Variants in NLRP7 observed in about 807,000 individuals in gnomAD.
NLRP7 encodes the protein NLR family pyrin domain containing 7, also known as NACHT, LRR and PYD domains-containing protein 7.
A neutral mutation model predicts 85.5 loss-of-function variants in NLRP7; 72 were observed. That is an observed-to-expected ratio of 0.84 (90% CI 0.70 to 1.02). The LOEUF is 1.02. NLRP7 is among the 50% of genes least tolerant of loss of function. The pLI is 0.00. For synonymous variants in NLRP7, 550 were observed against 505.2 expected, an observed-to-expected ratio of 1.09 and a Z score of -1.19; for missense variants, 1,243 against 1,219.5, an observed-to-expected ratio of 1.02 and a Z score of -0.29.
At chr19:54,941,115 G>T in intron 2 of NLRP7, 110 bp from the exon 3 acceptor site, 1 of 869,192 alleles carries the variant, frequency 1.2e-6, no homozygotes, top group Non-Finnish European at 2.0e-6. Flanking sequence ...TGTAATCACA[G>T]CACTTTGGAA....
exon 5 of NLRP7, chr19:54,938,234 A>G (rs968928698): frequency 6.2e-7 from 1 of 1,613,984 alleles, no homozygotes; most frequent in South Asian, 1.1e-5. Flanking sequence ...ATGGTTAGGT[A>G]AGTGCACCTG....
upstream of NLRP7, among the ~76,000 whole-genome samples, chr19:54,948,572 TATTTA>T (rs527341971): frequency 3.8e-4 from 57 of 151,736 alleles, 1 homozygote; most frequent in African/African-American, 1.2e-3. Context: ...AGATAACTGA[TATTTA>T]ATTTTTTTTT....
Position 54,939,094 on chromosome 19 carries a change from C to A in NLRP7, c.1725G>T (p.Leu575=), listed in dbSNP as rs73055288. Residue 575 remains leucine, a synonymous_variant, in exon 4 of 10, where the codon CTG becomes CTT. Coordinates refer to ENST00000340844, the Ensembl canonical transcript of NLRP7. ...CCAGCTCCTCCTCCTGAGACTCATA[C>A]AGGCAGCCCAAGACCTCCTTCAGGT... 83,675 of 1,614,198 alleles carry A rather than the reference C, an allele frequency of 0.052. 2,726 individuals carry two copies. Among genetic ancestry groups the A allele is most frequent in the Non-Finnish European group, 0.063 (73,957 of 1,180,036 alleles).
In NLRP7 at chr19:54,934,372, C is replaced by G; in HGVS notation, c.2471+117G>C. 1.0e-6 allele frequency: 1 copy of G among 1,004,970 alleles called. No individual in the cohort carries two copies. The allele number at this position is 1,004,970 out of a possible 1,614,324, so 62.3% of individuals were successfully genotyped here. ...AGGAGCCACCGTGCCGGGCCTGAAG[C>G]AGGTGTTTATTTCAGCAAGAGGCGC... On this transcript the variant is annotated intron_variant, in intron 7 of 9. Coordinates refer to ENST00000340844, the Ensembl canonical transcript of NLRP7. This position sits in a 1 kb window ranked among gnomAD's most constrained non-coding sequence, Gnocchi z 6.7.
At chr19:54,947,389 G>T in intron 1 of NLRP7, 80 bp downstream of exon 1, 2 of 1,049,952 alleles carry the variant, frequency 1.9e-6, no homozygotes, top group Non-Finnish European at 2.6e-6. Context: ...CTTGGGAAGG[G>T]CTATGGTGGA....
chr19:54,939,631 A>G, exon 4 of NLRP7: 1 of 1,610,812 alleles, frequency 6.2e-7, no homozygotes. Context: ...TGCAGAGGAA[A>G]CGCAGGAACA....
intron 1 of NLRP7, among the ~76,000 whole-genome samples, chr19:54,944,247 C>T (rs963324754): frequency 5.9e-5 from 9 of 151,936 alleles, no homozygotes; most frequent in South Asian, 4.2e-4. Context: ...TGGAATGTCT[C>T]GGTGTAAAAC....
At position 54,934,532 on chromosome 19, in the gene NLRP7, A is replaced by G. The variant is rs767006670; in HGVS notation, c.2428T>C (p.Tyr810His). 10 of 1,614,050 alleles carry G rather than the reference A, an allele frequency of 6.2e-6. No homozygotes were observed. The highest frequency in any genetic ancestry group is 8.5e-6 in the Non-Finnish European group (10 of 1,180,030). Residue 810 changes from tyrosine (Y) to histidine (H), a missense_variant, in exon 7 of 10, where the codon TAC becomes CAC. Tyr to His is a moderately conservative substitution (Grantham distance 83). This residue lies in a region of NLRP7 where 613 missense variants were observed against 588.4 expected (regional missense o/e 1.04). Transcript: ENST00000340844. This position sits in a 1 kb window ranked among gnomAD's most constrained non-coding sequence, Gnocchi z 6.7. ...TGTTTTGGGCGTGTCATGGTCTTGT[A>G]CAGCAACATGGCACCCTCATCCAGG...
chr19:54,923,616 G>A, exon 10 of NLRP7: 1 of 1,091,946 alleles, frequency 9.2e-7, no homozygotes, highest in African/African-American at 1.5e-5. Context: ...GAGAAAACCA[G>A]TGTCAAATCC....
exon 4 of NLRP7, chr19:54,939,227 G>T: frequency 6.2e-7 from 1 of 1,614,200 alleles, no homozygotes; most frequent in Middle Eastern, 1.6e-4. Context: ...CAACTCCTTG[G>T]CTCTCTTCTC....
At chr19:54,923,855 G>A (rs1320311353) in exon 10 of NLRP7, 1 of 1,613,882 alleles carries the variant, frequency 6.2e-7, no homozygotes, top group Admixed American at 1.7e-5. Context: ...TTCCAAATTA[G>A]TTTCATAGGT....
chr19:54,941,981 C>T (rs1042604803), intron 1 of NLRP7, among the ~76,000 whole-genome samples: 5 of 152,076 alleles, frequency 3.3e-5, no homozygotes, highest in East Asian at 1.9e-4. Flanking sequence ...AGGCTGGGCA[C>T]GGTGGCTCAC....
In NLRP7 at chr19:54,936,230, T is replaced by A. The variant is rs370516464; in HGVS notation, c.2300+31A>T. Reference sequence around the variant, plus strand: ...GCAACACGGTGCAGTGGACTCCAGGTGCTGGGGAGAGCCGTGACCGTGAGA... The same window carrying A: ...GCAACACGGTGCAGTGGACTCCAGGAGCTGGGGAGAGCCGTGACCGTGAGA... On this transcript the variant is annotated intron_variant, in intron 6 of 9. Coordinates refer to ENST00000340844, the Ensembl canonical transcript of NLRP7. The A allele has an allele frequency of 3.7e-6, 6 of 1,602,804 alleles. No homozygotes were observed. The African/African-American group carries it at 8.0e-5, about 21-fold the overall frequency.
chr19:54,930,108 T>C (rs1602122262), intron 9 of NLRP7, among the ~76,000 whole-genome samples: 1 of 101,196 alleles, frequency 9.9e-6, no homozygotes, highest in Admixed American at 1.3e-4. Context: ...AGAACGAGGC[T>C]CCGTCTCAAA....
chr19:54,941,845 C>T (rs2069244177), intron 1 of NLRP7, 95 bp from the exon 2 acceptor site: 3 of 913,690 alleles, frequency 3.3e-6, no homozygotes, highest in Admixed American at 2.9e-5. Flanking sequence ...TCCTGCTGTA[C>T]AGTGAGTGGT....
chr19:54,942,003 C>T (rs1288170088), intron 1 of NLRP7, among the ~76,000 whole-genome samples: 1 of 152,006 alleles, frequency 6.6e-6, no homozygotes, highest in Admixed American at 6.6e-5. Context: ...CCTGTAATCC[C>T]AGCACTTTGG....
At chr19:54,925,741 G>A (rs972124923) in intron 9 of NLRP7, among the ~76,000 whole-genome samples, 1 of 152,166 alleles carries the variant, frequency 6.6e-6, no homozygotes, top group Non-Finnish European at 1.5e-5. Flanking sequence ...GCTCACGCCT[G>A]TAATCCCAGC....
At chr19:54,923,637 C>G (rs943644100) in exon 10 of NLRP7, 12 of 1,332,738 alleles carry the variant, frequency 9.0e-6, no homozygotes, top group African/African-American at 1.4e-5. Flanking sequence ...TACCTCTCGA[C>G]AGACTCTAGT....
Position 54,941,763 on chromosome 19 carries a change from A to T in NLRP7, c.-39-13T>A. 1 of 1,577,680 alleles carries T rather than the reference A, an allele frequency of 6.3e-7. No homozygotes were observed. The highest frequency in any genetic ancestry group is 1.2e-5 in the South Asian group (1 of 84,964). The stretch of plus-strand genomic sequence containing the variant: ...TAAGGCTGAAGAACTGGGGGGAAAA[A>T]AGGAAAAACAGTTCACGAGTTACCA... On this transcript the variant is annotated splice_polypyrimidine_tract_variant and intron_variant, in intron 1 of 9. Coordinates refer to ENST00000340844, the Ensembl canonical transcript of NLRP7.
Sources: gnomAD v4.1 joint callset for allele counts (sites outside exome capture counted in the v4.1 genomes callset) on GRCh38, gnomAD v4.1.1 for gene constraint, gnomAD v4.1.1 regional missense constraint, Gnocchi (gnomAD v3.1) non-coding constraint, MANE v1.5 for transcripts, NCBI Gene and HGNC (gene_info 2026-07-23, HGNC 2026-07-21) for gene names.